The following ST6GALNAC3 variants were observed in gnomAD, a reference collection of about 807,000 sequenced individuals.
ST6GALNAC3 encodes alpha-N-acetylgalactosaminide alpha-2,6-sialyltransferase 3.
In ST6GALNAC3, 25 loss-of-function variants were observed where a neutral mutation model predicts 32.7. The observed-to-expected ratio is 0.76, with a 90% confidence interval of 0.56 to 1.07. The LOEUF is 1.07. Among genes scored for constraint, ST6GALNAC3 ranks in the 50% least tolerant of loss-of-function variants. The pLI is 0.00. For synonymous variants in ST6GALNAC3, 129 were observed against 133.1 expected, an observed-to-expected ratio of 0.97 and a Z score of 0.21; for missense variants, 355 against 382.4, an observed-to-expected ratio of 0.93 and a Z score of 0.60.
At chr1:76,191,903 G>A (rs1483603186) in intron 1 of ST6GALNAC3, among the ~76,000 whole-genome samples, 2 of 152,120 alleles carry the variant, frequency 1.3e-5, no homozygotes, top group Non-Finnish European at 2.9e-5. Context: ...TACCGATGAT[G>A]GAGGTGGAGT....
intron 1 of ST6GALNAC3, among the ~76,000 whole-genome samples, chr1:76,125,353 G>A (rs567365997): frequency 5.2e-4 from 79 of 152,220 alleles, no homozygotes; most frequent in African/African-American, 1.8e-3. Context: ...ATCCCTCAGT[G>A]GCTGCTGGTT....
At chr1:76,620,164 A>G (rs1465715446) in intron 3 of ST6GALNAC3, among the ~76,000 whole-genome samples, 1 of 152,108 alleles carries the variant, frequency 6.6e-6, no homozygotes, top group Non-Finnish European at 1.5e-5. Context: ...GGATGAGAGT[A>G]AACGGAATTG....
chr1:76,453,570 A>G (rs996747708), intron 3 of ST6GALNAC3, among the ~76,000 whole-genome samples: 3 of 151,996 alleles, frequency 2.0e-5, no homozygotes, highest in Non-Finnish European at 4.4e-5. Context: ...TTTAATTCCA[A>G]TGTATTTGCG....
intron 1 of ST6GALNAC3, among the ~76,000 whole-genome samples, chr1:76,241,139 T>C (rs766300974): frequency 2.0e-5 from 3 of 152,224 alleles, no homozygotes; most frequent in Non-Finnish European, 4.4e-5. Flanking sequence ...TTTAAATTTG[T>C]AGAGTCTTCT....
At chr1:76,076,823 A>T (rs745519295) in intron 1 of ST6GALNAC3, among the ~76,000 whole-genome samples, 17 of 152,204 alleles carry the variant, frequency 1.1e-4, no homozygotes, top group Non-Finnish European at 2.1e-4. Context: ...GAGAAAGTTG[A>T]CGCTCCCTAG....
At chr1:76,596,886 A>T (rs939875630) in intron 3 of ST6GALNAC3, among the ~76,000 whole-genome samples, 1 of 152,194 alleles carries the variant, frequency 6.6e-6, no homozygotes, top group African/African-American at 2.4e-5. Context: ...TTGATTGAAC[A>T]TGTTTATACT....
At chr1:76,344,086 A>G (rs775089402) in intron 2 of ST6GALNAC3, among the ~76,000 whole-genome samples, 1 of 152,226 alleles carries the variant, frequency 6.6e-6, no homozygotes, top group Non-Finnish European at 1.5e-5. Context: ...CAGTTGAGTT[A>G]CAAATTGTCA....
intron 1 of ST6GALNAC3, among the ~76,000 whole-genome samples, chr1:76,185,066 T>A (rs1174873664): frequency 6.6e-6 from 1 of 152,188 alleles, no homozygotes. Context: ...CATATTGCTT[T>A]CTTCCTTTTA....
chr1:76,559,925 G>A (rs1054394929), intron 3 of ST6GALNAC3, among the ~76,000 whole-genome samples: 1 of 152,000 alleles, frequency 6.6e-6, no homozygotes, highest in Non-Finnish European at 1.5e-5. Flanking sequence ...AACTCCCAAA[G>A]GTCAAGGATA....
chr1:76,485,029 G>T (rs1199076363), intron 3 of ST6GALNAC3, among the ~76,000 whole-genome samples: 3 of 152,184 alleles, frequency 2.0e-5, no homozygotes, highest in Non-Finnish European at 4.4e-5. Flanking sequence ...TACGTTTATT[G>T]ATTTGCATAC....
intron 2 of ST6GALNAC3, among the ~76,000 whole-genome samples, chr1:76,375,366 G>A (rs191036405): frequency 7.1e-4 from 108 of 152,212 alleles, no homozygotes; most frequent in African/African-American, 2.1e-3. Context: ...TAGGTATTGG[G>A]AAAAAATTGA....
At chr1:76,274,919 C>T (rs1174324454) in intron 1 of ST6GALNAC3, among the ~76,000 whole-genome samples, 3 of 152,280 alleles carry the variant, frequency 2.0e-5, no homozygotes, top group Non-Finnish European at 2.9e-5. Context: ...ACCATTTCTT[C>T]ACTAGAAGTT....
chr1:76,451,527 C>A (rs1295157130), intron 3 of ST6GALNAC3, among the ~76,000 whole-genome samples: 1 of 152,138 alleles, frequency 6.6e-6, no homozygotes, highest in Non-Finnish European at 1.5e-5. Flanking sequence ...GGGGCACATC[C>A]AAATCATATC....
chr1:76,337,592 T>TG (rs967058296), intron 2 of ST6GALNAC3, among the ~76,000 whole-genome samples: 36 of 152,062 alleles, frequency 2.4e-4, no homozygotes, highest in Non-Finnish European at 4.0e-4. Flanking sequence ...AATTGTGGCC[T>TG]GGGGGTCACG....
intron 1 of ST6GALNAC3, among the ~76,000 whole-genome samples, chr1:76,272,714 C>G (rs181584378): frequency 1.8e-4 from 28 of 152,298 alleles, no homozygotes; most frequent in Non-Finnish European, 3.4e-4. Flanking sequence ...AACTTGTGAG[C>G]CCTTGGCTGT....
chr1:76,454,458 GT>G (rs1657627122), intron 3 of ST6GALNAC3, among the ~76,000 whole-genome samples: 1 of 152,102 alleles, frequency 6.6e-6, no homozygotes, highest in Non-Finnish European at 1.5e-5. Context: ...ACCTCTAGCA[GT>G]TCTTATAGTG....
chr1:76,280,431 A>G (rs1458874626), intron 1 of ST6GALNAC3, among the ~76,000 whole-genome samples: 1 of 152,152 alleles, frequency 6.6e-6, no homozygotes, highest in Non-Finnish European at 1.5e-5. Flanking sequence ...CTTGCATAGT[A>G]CTTTCAGCAT....
intron 3 of ST6GALNAC3, among the ~76,000 whole-genome samples, chr1:76,457,378 A>T (rs554189139): frequency 3.3e-5 from 5 of 152,286 alleles, no homozygotes; most frequent in African/African-American, 9.6e-5. Flanking sequence ...GGAACCAAAA[A>T]GGAGCCCGCA....
chr1:76,501,408 A>G (rs1163104312), intron 3 of ST6GALNAC3, among the ~76,000 whole-genome samples: 1 of 152,216 alleles, frequency 6.6e-6, no homozygotes, highest in African/African-American at 2.4e-5. Flanking sequence ...CTAGTTGCAC[A>G]AAAACAAACA....
Sources: allele counts gnomAD v4.1 joint callset (sites outside exome capture counted in the v4.1 genomes callset), GRCh38; gene constraint gnomAD v4.1.1; transcripts MANE v1.5; gene names NCBI Gene and HGNC (gene_info 2026-07-23, HGNC 2026-07-21).